SUPT3H: variants seen among roughly 807,000 people sequenced by gnomAD.
The protein encoded by SUPT3H is transcription initiation protein SPT3 homolog.
A neutral mutation model predicts 44.3 loss-of-function variants in SUPT3H; 44 were observed. That is an observed-to-expected ratio of 0.99 (90% CI 0.78 to 1.28). The LOEUF (loss-of-function observed/expected upper bound fraction) is 1.28, where lower values mean the gene tolerates loss of function less well. Ranked by LOEUF, SUPT3H falls within the 50% of genes most tolerant of loss-of-function variation. The probability of loss-of-function intolerance (pLI) is 0.00; values close to 1 mark genes in which losing one functional copy is unlikely to be tolerated. For synonymous variants in SUPT3H, 124 were observed against 125.6 expected, an observed-to-expected ratio of 0.99 and a Z score of 0.09; for missense variants, 380 against 387.1, an observed-to-expected ratio of 0.98 and a Z score of 0.15.
intron 10 of SUPT3H, among the ~76,000 whole-genome samples, chr6:44,853,744 G>T (rs1773280639): frequency 6.6e-6 from 1 of 152,010 alleles, no homozygotes; most frequent in Non-Finnish European, 1.5e-5. Context: ...GCTTCTGGTG[G>T]GGGGAGTGGG....
In SUPT3H at chr6:45,023,325, T is replaced by C. The variant is rs569311324; in HGVS notation, c.187-2693A>G. The stretch of plus-strand genomic sequence containing the variant: ...GAGAAAAGGGAACACTTATACACTG[T>C]TAATGGGAGTGTAAATTAGTTCAAC... On this transcript the variant is annotated intron_variant, in intron 3 of 10. Coordinates refer to ENST00000371459, the MANE Select transcript of SUPT3H (RefSeq NM_003599.4). Among the ~76,000 whole-genome samples, 43 of 151,570 alleles carry C rather than the reference T, an allele frequency of 2.8e-4. No homozygotes were observed. The South Asian group carries it at 8.3e-3, about 29-fold the overall frequency.
At chr6:44,893,914 C>G (rs959967333) in intron 10 of SUPT3H, among the ~76,000 whole-genome samples, 3 of 143,462 alleles carry the variant, frequency 2.1e-5, no homozygotes, top group Admixed American at 7.2e-5. Flanking sequence ...GATCGCCATT[C>G]TAACTGGTGT....
intron 2 of SUPT3H, among the ~76,000 whole-genome samples, chr6:45,359,989 C>G (rs1793964979): frequency 6.6e-6 from 1 of 152,168 alleles, no homozygotes; most frequent in African/African-American, 2.4e-5. Context: ...GAGCAATCAA[C>G]TGAAAAAACA....
intron 3 of SUPT3H, among the ~76,000 whole-genome samples, chr6:45,099,911 T>A (rs1296287498): frequency 6.6e-6 from 1 of 152,126 alleles, no homozygotes; most frequent in East Asian, 1.9e-4. Flanking sequence ...TCATTTTAGA[T>A]TGTGTGGCTA....
chr6:44,836,196 T>C (rs1213499660), intron 10 of SUPT3H, among the ~76,000 whole-genome samples: 1 of 152,166 alleles, frequency 6.6e-6, no homozygotes, highest in Non-Finnish European at 1.5e-5. Flanking sequence ...TAAATACAAA[T>C]AGGCACATCT....
At chr6:45,327,636 T>C (rs796643005) in intron 2 of SUPT3H, among the ~76,000 whole-genome samples, 35 of 152,082 alleles carry the variant, frequency 2.3e-4, no homozygotes, top group African/African-American at 8.2e-4. Flanking sequence ...ACAGACGTGA[T>C]TTAAAATTTG....
intron 6 of SUPT3H, among the ~76,000 whole-genome samples, chr6:44,977,800 A>G (rs1475117365): frequency 6.6e-6 from 1 of 152,210 alleles, no homozygotes; most frequent in Non-Finnish European, 1.5e-5. Flanking sequence ...ACTACATGTT[A>G]CAACTTTAGA....
intron 2 of SUPT3H, among the ~76,000 whole-genome samples, chr6:45,320,888 TGTAGTA>T (rs1258575919): frequency 6.6e-6 from 1 of 152,152 alleles, no homozygotes; most frequent in African/African-American, 2.4e-5. Context: ...TTAGTACAGT[TGTAGTA>T]GTATAAATAA....
chr6:45,164,825 T>C lies in SUPT3H; in HGVS notation c.102-58819A>G, dbSNP rs182226309. On this transcript the variant is annotated intron_variant, in intron 2 of 10. Transcript: ENST00000371459. ...AATTTTTCGGAAGTTCTGCTTCTAC[T>C]TCAGGATGTAGAGATCCACAATAAC... 9.8e-5 allele frequency among the ~76,000 whole-genome samples: 15 copies of C among 152,290 alleles called. No homozygotes were observed. In the East Asian group the frequency reaches 2.7e-3, roughly 27 times the overall value.
chr6:45,252,378 A>C (rs1772524117), intron 2 of SUPT3H, among the ~76,000 whole-genome samples: 1 of 152,204 alleles, frequency 6.6e-6, no homozygotes. Context: ...TGATGCTGTG[A>C]AACCAATATT....
At chr6:45,297,253 T>C (rs527471731) in intron 2 of SUPT3H, among the ~76,000 whole-genome samples, 1 of 152,278 alleles carries the variant, frequency 6.6e-6, no homozygotes, top group East Asian at 1.9e-4. Context: ...TAGTAGACTT[T>C]TGTCTTAGGT....
chr6:45,184,799 A>C lies in SUPT3H; in HGVS notation c.102-78793T>G, dbSNP rs1813896961. 2.4e-5 allele frequency among the ~76,000 whole-genome samples: 3 copies of C among 127,018 alleles called. No homozygotes were observed. The Admixed American group carries it at 2.4e-4, about 10-fold the overall frequency. The allele number at this position is 127,018 out of a possible 152,430, so 83.3% of individuals were successfully genotyped here. A position where few individuals can be genotyped will look rare whatever the true frequency, so the allele number is the denominator to read the frequency against. Reference sequence around the variant, plus strand: ...GGAAAAAAAAAAAAAAAAAAAAAAAAAAAACTCCAAGGAAAGCCTGTTCCT... The same window carrying C: ...GGAAAAAAAAAAAAAAAAAAAAAAACAAAACTCCAAGGAAAGCCTGTTCCT... On this transcript the variant is annotated intron_variant, in intron 2 of 10. Transcript: ENST00000371459.
chr6:45,324,377 C>A (rs12526462), intron 2 of SUPT3H, among the ~76,000 whole-genome samples: 1 of 151,912 alleles, frequency 6.6e-6, no homozygotes. Flanking sequence ...CCAATACTAT[C>A]TAACAACTGA....
chr6:45,209,748 T>C (rs570246008), intron 2 of SUPT3H, among the ~76,000 whole-genome samples: 10 of 152,236 alleles, frequency 6.6e-5, no homozygotes, highest in Non-Finnish European at 1.5e-4. Flanking sequence ...GAATCCAATT[T>C]TGAGAGAAGT....
At chr6:45,339,279 T>A (rs1425458795) in intron 2 of SUPT3H, among the ~76,000 whole-genome samples, 1 of 152,148 alleles carries the variant, frequency 6.6e-6, no homozygotes, top group Non-Finnish European at 1.5e-5. Context: ...GGGGAGTAAG[T>A]CTTGGGGAAG....
chr6:44,953,247 T>G (rs973080393), intron 9 of SUPT3H, 63 bp downstream of exon 9: 1 of 1,240,054 alleles, frequency 8.1e-7, no homozygotes. Context: ...GAATCACTAA[T>G]GTAAATACCA....
At chr6:44,829,900 T>TCAAA (rs759127032) in intron 10 of SUPT3H, 43 bp from the exon 11 acceptor site, 1 of 1,602,886 alleles carries the variant, frequency 6.2e-7, no homozygotes, top group East Asian at 2.2e-5. Context: ...TCACATGAAG[T>TCAAA]CAAACAAGGA....
intron 3 of SUPT3H, among the ~76,000 whole-genome samples, chr6:45,045,870 TC>T (rs1340737404): frequency 6.6e-6 from 1 of 152,198 alleles, no homozygotes; most frequent in African/African-American, 2.4e-5. Context: ...AGCTGCCTTT[TC>T]ATTTTCTTGA....
At chr6:45,176,495 G>A (rs958661874) in intron 2 of SUPT3H, among the ~76,000 whole-genome samples, 33 of 152,252 alleles carry the variant, frequency 2.2e-4, no homozygotes, top group African/African-American at 6.3e-4. Flanking sequence ...GCGAGGCTGG[G>A]GGAGGGGCGC....
Sources: gnomAD v4.1 joint callset for allele counts (sites outside exome capture counted in the v4.1 genomes callset) on GRCh38, gnomAD v4.1.1 for gene constraint, MANE v1.5 for transcripts, NCBI Gene and HGNC (gene_info 2026-07-23, HGNC 2026-07-21) for gene names.